The following CTNNA2 variants were observed in gnomAD, a reference collection of about 807,000 sequenced individuals.
The protein encoded by CTNNA2 is catenin alpha 2.
A neutral mutation model predicts 101.0 loss-of-function variants in CTNNA2; 42 were observed. That is an observed-to-expected ratio of 0.42 (90% confidence interval 0.32 to 0.54). The LOEUF is 0.54. CTNNA2 is among the 20% of genes least tolerant of loss of function. The probability of loss-of-function intolerance (pLI) is 0.14; values close to 1 mark genes in which losing one functional copy is unlikely to be tolerated. For missense variants in CTNNA2, 871 were observed against 1,223.1 expected (o/e 0.71, Z 4.29); for synonymous variants, 450 against 456.4 (o/e 0.99, Z 0.18).
chr2:79,279,998 T>G (rs2104329587), intron 2 of CTNNA2, among the ~76,000 whole-genome samples: 1 of 152,240 alleles, frequency 6.6e-6, no homozygotes, highest in South Asian at 2.1e-4. Flanking sequence ...TTACTAAGAA[T>G]TTGGTGTTAA....
chr2:80,424,197 G>A (rs1200295619), intron 9 of CTNNA2, among the ~76,000 whole-genome samples: 1 of 152,020 alleles, frequency 6.6e-6, no homozygotes, highest in African/African-American at 2.4e-5. Flanking sequence ...TTTGTGATCT[G>A]CCCTCCTTGG....
intron 2 of CTNNA2, among the ~76,000 whole-genome samples, chr2:79,200,341 G>A (rs1302594897): frequency 2.0e-5 from 3 of 150,364 alleles, no homozygotes; most frequent in African/African-American, 4.9e-5. Context: ...CCGAGATTGC[G>A]CCACTGCACT....
intron 7 of CTNNA2, among the ~76,000 whole-genome samples, chr2:80,139,305 C>A (rs1573198144): frequency 6.6e-6 from 1 of 152,078 alleles, no homozygotes; most frequent in African/African-American, 2.4e-5. Flanking sequence ...CAAAAGCCAC[C>A]TGATGAAAAA....
chr2:79,547,289 C>A (rs986989503), intron 1 of CTNNA2: 9 of 152,150 alleles, frequency 5.9e-5, no homozygotes, highest in African/African-American at 2.2e-4. Flanking sequence ...TAAACAAAAG[C>A]TGTCCCACAA....
intron 7 of CTNNA2, among the ~76,000 whole-genome samples, chr2:80,159,294 C>T (rs1024881976): frequency 3.3e-5 from 5 of 152,152 alleles, no homozygotes; most frequent in African/African-American, 4.8e-5. Context: ...TGCCACCACA[C>T]GTTGTTTAGT....
At chr2:80,591,639 C>A (rs1696520408) in intron 15 of CTNNA2, among the ~76,000 whole-genome samples, 2 of 151,768 alleles carry the variant, frequency 1.3e-5, no homozygotes, top group Non-Finnish European at 2.9e-5. Context: ...GTACCATTTT[C>A]TCTTATTTAA....
At chr2:79,557,148 G>C (rs1674496041) in intron 1 of CTNNA2, among the ~76,000 whole-genome samples, 1 of 151,974 alleles carries the variant, frequency 6.6e-6, no homozygotes, top group Non-Finnish European at 1.5e-5. Flanking sequence ...GAATAGGTCA[G>C]TTTTTTGTTT....
At chr2:79,376,032 T>C (rs939876857) in intron 4 of CTNNA2, among the ~76,000 whole-genome samples, 2 of 152,158 alleles carry the variant, frequency 1.3e-5, no homozygotes. Context: ...AATGAAAGCA[T>C]GCCCAGAGAG....
At chr2:80,641,982 C>G in intron 18 of CTNNA2, among the ~76,000 whole-genome samples, 1 of 152,024 alleles carries the variant, frequency 6.6e-6, no homozygotes, top group Non-Finnish European at 1.5e-5. Context: ...TCAATATAAG[C>G]AAAACATGAT....
Position 80,313,414 on chromosome 2 carries a change from G to C in CTNNA2, c.1057-79797G>C, listed in dbSNP as rs1202899898. ...TTAGATAAAATGTGGTGCCTACCCT[G>C]TGTGTTCACAGTTCTGGAGTGGAGA... On this transcript the variant is annotated intron_variant, in intron 7 of 18. Coordinates refer to ENST00000402739, the MANE Select transcript of CTNNA2 (RefSeq NM_001282597.3). The C allele has an allele frequency of 2.1e-6, 3 of 1,438,428 alleles. No individual in the cohort carries two copies. In the South Asian group the frequency reaches 4.6e-5, roughly 22 times the overall value. 89.1% of individuals were successfully genotyped at this position (1,438,428 alleles called of 1,614,324 possible).
chr2:80,422,790 A>G (rs537671536), intron 9 of CTNNA2, among the ~76,000 whole-genome samples: 5 of 151,898 alleles, frequency 3.3e-5, no homozygotes, highest in Non-Finnish European at 5.9e-5. Flanking sequence ...TCTTCCTTCT[A>G]TTTTTTGGAA....
chr2:79,437,894 A>G (rs1014835579), intron 4 of CTNNA2, among the ~76,000 whole-genome samples: 1 of 152,158 alleles, frequency 6.6e-6, no homozygotes, highest in African/African-American at 2.4e-5. Context: ...CACGCTTTCC[A>G]GGGTCTTTTC....
At chr2:80,504,739 A>T (rs931733483) in intron 9 of CTNNA2, among the ~76,000 whole-genome samples, 1 of 152,188 alleles carries the variant, frequency 6.6e-6, no homozygotes, top group Non-Finnish European at 1.5e-5. Context: ...TGGAGATTCA[A>T]TGGAGGTATA....
intron 7 of CTNNA2, among the ~76,000 whole-genome samples, chr2:80,065,924 A>G (rs185728979): frequency 1.5e-3 from 233 of 152,312 alleles, no homozygotes; most frequent in African/African-American, 5.0e-3. Context: ...GAAATAACTT[A>G]AAGATTGACC....
intron 7 of CTNNA2, among the ~76,000 whole-genome samples, chr2:80,365,668 G>A (rs531185140): frequency 1.3e-5 from 2 of 151,758 alleles, no homozygotes; most frequent in Admixed American, 6.6e-5. Context: ...AAAAAAAGAT[G>A]CTCTCTAAAT....
In CTNNA2 at chr2:80,130,943, G is replaced by A. The variant is rs578223076; in HGVS notation, c.1056+221146G>A. On this transcript the variant is annotated intron_variant, in intron 7 of 18. Coordinates refer to ENST00000402739, the MANE Select transcript of CTNNA2 (RefSeq NM_001282597.3). ...AAAGAATAATACTGAATCTATATAT[G>A]AGAGAAAATGTCACAGCTATACCAA... 9.3e-5 allele frequency among the ~76,000 whole-genome samples: 14 copies of A among 150,722 alleles called. No individual in the cohort carries two copies. The South Asian group carries it at 2.9e-3, about 31-fold the overall frequency.
At chr2:80,167,170 G>T (rs1179847694) in intron 7 of CTNNA2, among the ~76,000 whole-genome samples, 3 of 151,992 alleles carry the variant, frequency 2.0e-5, no homozygotes, top group Non-Finnish European at 4.4e-5. Flanking sequence ...ACTTACTTTT[G>T]CACCAACCTA....
intron 7 of CTNNA2, among the ~76,000 whole-genome samples, chr2:80,112,898 T>C (rs898203964): frequency 1.3e-5 from 2 of 152,210 alleles, no homozygotes; most frequent in Admixed American, 6.5e-5. Flanking sequence ...ATTTTCTGCC[T>C]CAGTACTCCA....
At chr2:79,971,286 T>C (rs1690461238) in intron 7 of CTNNA2, among the ~76,000 whole-genome samples, 1 of 152,178 alleles carries the variant, frequency 6.6e-6, no homozygotes, top group Admixed American at 6.6e-5. Flanking sequence ...ACTAATTTAT[T>C]TTCCCTTCCT....
Sources: gnomAD v4.1 joint callset for allele counts (sites outside exome capture counted in the v4.1 genomes callset) on GRCh38, gnomAD v4.1.1 for gene constraint, MANE v1.5 for transcripts, NCBI Gene and HGNC (gene_info 2026-07-23, HGNC 2026-07-21) for gene names.